GALNT16: variants seen among roughly 807,000 people sequenced by gnomAD.
GALNT16 encodes polypeptide N-acetylgalactosaminyltransferase 16.
GALNT16 carries 40 observed loss-of-function variants against 76.1 expected under a neutral mutation model. That is an observed-to-expected ratio of 0.53 (90% CI 0.41 to 0.68). GALNT16 has a LOEUF of 0.68. GALNT16 is among the 30% of genes least tolerant of loss of function. The pLI, the probability that GALNT16 is intolerant of heterozygous loss-of-function variation, is 0.00. For missense variants in GALNT16, 621 were observed against 731.9 expected, an observed-to-expected ratio of 0.85 and a Z score of 1.75; for synonymous variants, 276 against 285.2, an observed-to-expected ratio of 0.97 and a Z score of 0.32.
the GALNT16 span, among the ~76,000 whole-genome samples, chr14:69,364,362 A>G: frequency 6.6e-6 from 1 of 152,260 alleles, no homozygotes; most frequent in African/African-American, 2.4e-5. This position sits in a 1 kb window ranked among gnomAD's most constrained non-coding sequence, Gnocchi z 4.2. Flanking sequence ...TTGATTAAAC[A>G]GACAATGAAT....
At chr14:69,367,386 T>C in the GALNT16 span, among the ~76,000 whole-genome samples, 1 of 151,846 alleles carries the variant, frequency 6.6e-6, no homozygotes, top group African/African-American at 2.4e-5. Context: ...AATACCCTTA[T>C]AAAAGACACC....
chr14:69,296,926 A>G (rs901194057), intron 1 of GALNT16, among the ~76,000 whole-genome samples: 2 of 152,230 alleles, frequency 1.3e-5, no homozygotes, highest in Non-Finnish European at 1.5e-5. Flanking sequence ...ACTTAATAGT[A>G]TAGCTTAGAA....
chr14:69,357,617 A>T (rs745674974), downstream of GALNT16: 1 of 152,210 alleles, frequency 6.6e-6, no homozygotes, highest in Non-Finnish European at 1.5e-5. Context: ...AGGGATACTC[A>T]TGGTGGAGGC....
chr14:69,259,906 C>T (rs1216785228), upstream of GALNT16: 2 of 182,856 alleles, frequency 1.1e-5, no homozygotes, highest in Non-Finnish European at 2.2e-5. Context: ...GCCATTCCGC[C>T]GCGGGCGTCT....
At chr14:69,342,708 C>G (rs1269837618) in intron 12 of GALNT16, among the ~76,000 whole-genome samples, 1 of 152,122 alleles carries the variant, frequency 6.6e-6, no homozygotes, top group Non-Finnish European at 1.5e-5. Context: ...TGTGTGCACT[C>G]GAGCTGTAGT....
the GALNT16 span, among the ~76,000 whole-genome samples, chr14:69,368,425 C>A: frequency 1.4e-4 from 21 of 152,190 alleles, no homozygotes; most frequent in Non-Finnish European, 2.5e-4. Context: ...GCTAGAGAAT[C>A]TGCTTCCAAG....
chr14:69,298,822 G>A (rs932435183), intron 1 of GALNT16, among the ~76,000 whole-genome samples: 2 of 152,236 alleles, frequency 1.3e-5, no homozygotes, highest in Non-Finnish European at 2.9e-5. Context: ...AGTCGGGGGA[G>A]GCCAGGCATC....
intron 1 of GALNT16, among the ~76,000 whole-genome samples, chr14:69,284,699 G>A (rs1378217222): frequency 6.6e-6 from 1 of 152,092 alleles, no homozygotes. Context: ...GTCACAAAAC[G>A]GGGACTGATA....
At chr14:69,355,100 A>G (rs1223780860), downstream of GALNT16, 1 of 152,280 alleles carries the variant, frequency 6.6e-6, no homozygotes, top group Non-Finnish European at 1.5e-5. Flanking sequence ...CTACCCAGGT[A>G]AAAATAAACG....
chr14:69,385,762 C>G, the GALNT16 span, among the ~76,000 whole-genome samples: 1 of 152,072 alleles, frequency 6.6e-6, no homozygotes. Flanking sequence ...CTACCACAAC[C>G]GTTCTGGAAG....
In GALNT16 at chr14:69,325,163, C is replaced by T. The variant is rs116941874; in HGVS notation, c.435-174C>T. 2.0e-5 allele frequency among the ~76,000 whole-genome samples: 3 copies of T among 152,302 alleles called. No individual in the cohort carries two copies. In the East Asian group the frequency reaches 5.8e-4, roughly 29 times the overall value. On this transcript the variant is annotated intron_variant, in intron 3 of 14. Transcript: ENST00000448469. Reference sequence around the variant, plus strand: ...AGCCTGGGCTTGTGGTCAAGTTGAACTCCCATCTCCCCATTTCCTCAATGA... The same window carrying T: ...AGCCTGGGCTTGTGGTCAAGTTGAATTCCCATCTCCCCATTTCCTCAATGA...
intron 11 of GALNT16, 119 bp from the exon 12 acceptor site, chr14:69,341,562 A>G (rs1006290008): frequency 3.0e-6 from 2 of 674,670 alleles, no homozygotes; most frequent in Non-Finnish European, 5.4e-6. Context: ...GCAGGCTGGA[A>G]GTCTCCTGGT....
intron 1 of GALNT16, among the ~76,000 whole-genome samples, chr14:69,263,995 G>T (rs1019380010): frequency 6.6e-6 from 1 of 152,204 alleles, no homozygotes; most frequent in Non-Finnish European, 1.5e-5. Flanking sequence ...TGACACAGCC[G>T]GCCTTGAGTC....
At chr14:69,339,065 G>A (rs1001734738) in intron 10 of GALNT16, among the ~76,000 whole-genome samples, 1 of 152,102 alleles carries the variant, frequency 6.6e-6, no homozygotes, top group African/African-American at 2.4e-5. Context: ...CACTCATGGA[G>A]CCCCGAGTGC....
Position 69,338,098 on chromosome 14 carries a change from C to T in GALNT16, c.968-553C>T, listed in dbSNP as rs1349181683. Among the ~76,000 whole-genome samples, 4 of 152,274 alleles carry T rather than the reference C, an allele frequency of 2.6e-5. No individual in the cohort carries two copies. The East Asian group carries it at 7.7e-4, about 29-fold the overall frequency. The stretch of plus-strand genomic sequence containing the variant: ...CCACAGTCATCCACAAAAGCTGGTT[C>T]AGCTCCACCACCGCTGTCAAAAGGA... On this transcript the variant is annotated intron_variant, in intron 9 of 14. Transcript: ENST00000448469.
At chr14:69,276,465 G>A (rs554163700) in intron 1 of GALNT16, among the ~76,000 whole-genome samples, 3 of 152,200 alleles carry the variant, frequency 2.0e-5, no homozygotes, top group South Asian at 2.1e-4. Context: ...GGCGGATCAC[G>A]AGGTCAGGAG....
At chr14:69,285,554 A>T (rs1369495970) in intron 1 of GALNT16, among the ~76,000 whole-genome samples, 1 of 152,204 alleles carries the variant, frequency 6.6e-6, no homozygotes, top group East Asian at 1.9e-4. Context: ...CTCCCATTTA[A>T]GAAAGATCCT....
At chr14:69,285,080 G>T (rs1039148752) in intron 1 of GALNT16, among the ~76,000 whole-genome samples, 1 of 126,546 alleles carries the variant, frequency 7.9e-6, no homozygotes, top group African/African-American at 3.0e-5. Context: ...TCGCTCTTTC[G>T]CCCAGGCTGG....
intron 7 of GALNT16, 132 bp from the exon 8 acceptor site, chr14:69,332,953 C>T (rs929337912): frequency 8.4e-6 from 6 of 710,064 alleles, no homozygotes; most frequent in African/African-American, 1.8e-5. Context: ...TGGCTCATTC[C>T]GAATGAAGGA....
Sources: gnomAD v4.1 joint callset for allele counts (sites outside exome capture counted in the v4.1 genomes callset) on GRCh38, gnomAD v4.1.1 for gene constraint, Gnocchi (gnomAD v3.1) non-coding constraint, MANE v1.5 for transcripts, NCBI Gene and HGNC (gene_info 2026-07-23, HGNC 2026-07-21) for gene names.